CABIN1: variants seen among roughly 807,000 people sequenced by gnomAD.
The protein encoded by CABIN1 is calcineurin-binding protein cabin-1.
CABIN1 carries 133 observed loss-of-function variants against 227.7 expected under a neutral mutation model. That is an observed-to-expected ratio of 0.58 (90% CI 0.51 to 0.67). The LOEUF is 0.67. Among genes scored for constraint, CABIN1 ranks in the 30% least tolerant of loss-of-function variants. The pLI, the probability that CABIN1 is intolerant of heterozygous loss-of-function variation, is 0.00. For missense variants in CABIN1, 2,408 were observed against 2,852.5 expected (o/e 0.84, Z 3.55); for synonymous variants, 1,086 against 1,155.1 (o/e 0.94, Z 1.21).
chr22:24,036,148 TAA>T lies in CABIN1; in HGVS notation c.66_67del (p.His24GlnfsTer21). 1 of 1,613,666 alleles carries T rather than the reference TAA, an allele frequency of 6.2e-7. No homozygotes were observed. The highest frequency in any genetic ancestry group is 8.5e-7 in the Non-Finnish European group (1 of 1,179,728). ...TIEDDHEGSFKSHKTQTKEAQ... is the reference protein window; with the variant it reads ...TIEDDHEGSFXSHKTQTKEAQ... Reference sequence around the variant, plus strand: ...TTGAGGATGATCATGAAGGAAGCTTTAAAAGTCACAAAACCCAGACAAAGGAG... The same window carrying T: ...TTGAGGATGATCATGAAGGAAGCTTTAAGTCACAAAACCCAGACAAAGGAG... On this transcript the variant is annotated frameshift_variant, in exon 3 of 37. Coordinates refer to ENST00000263119, the MANE Select transcript of CABIN1 (RefSeq NM_012295.4). LOFTEE classifies it high-confidence loss of function.
chr22:24,033,087 AAAAC>A lies in CABIN1; in HGVS notation c.-74-2351_-74-2348del, dbSNP rs1165102810. 3.9e-5 allele frequency among the ~76,000 whole-genome samples: 6 copies of A among 152,310 alleles called. No homozygotes were observed. In the East Asian group the frequency reaches 9.6e-4, roughly 24 times the overall value. On this transcript the variant is annotated intron_variant, in intron 1 of 36. Transcript: ENST00000263119. ...GGAGAGACTCCGTCTCAAAGAAACA[AAAAC>A]AAACACAAAAACTGCAGTTTCCAAA...
intron 1 of CABIN1, among the ~76,000 whole-genome samples, chr22:24,027,559 G>A (rs528447484): frequency 3.5e-4 from 54 of 152,346 alleles, no homozygotes; most frequent in Middle Eastern, 3.4e-3. Flanking sequence ...TGTAATCCCC[G>A]ATGCAACAGT....
rs2042928571 is a variant in CABIN1, at chr22:24,113,690, T to G, written c.4242T>G (p.Ile1414Met). 6.2e-7 allele frequency: 1 copy of G among 1,613,780 alleles called. No individual in the cohort carries two copies. Among genetic ancestry groups the G allele is most frequent in the Non-Finnish European group, 8.5e-7 (1 of 1,179,974 alleles). Residue 1414 changes from isoleucine to methionine, a missense_variant, in exon 27 of 37, where the codon ATT (isoleucine) becomes ATG (methionine). Transcript: ENST00000263119. ...RKSYTEKRLPILSSQAGATGK... is the reference protein window; with the variant it reads ...RKSYTEKRLPMLSSQAGATGK... ...CCTACACAGAGAAGAGGCTGCCCATTCTCAGTTCCCAAGCAGGAGCGACGG... is the reference window on the plus strand; with the variant it reads ...CCTACACAGAGAAGAGGCTGCCCATGCTCAGTTCCCAAGCAGGAGCGACGG...
At chr22:24,130,832 AAC>A (rs1270652332) in intron 28 of CABIN1, among the ~76,000 whole-genome samples, 1 of 152,196 alleles carries the variant, frequency 6.6e-6, no homozygotes, top group Non-Finnish European at 1.5e-5. Flanking sequence ...CAGCTGGAGA[AAC>A]ACACTCTCCA....
At chr22:24,167,407 C>T in intron 32 of CABIN1, 94 bp downstream of exon 32, 4 of 1,275,378 alleles carry the variant, frequency 3.1e-6, no homozygotes, top group Non-Finnish European at 4.4e-6. Flanking sequence ...CAGGCCTGCC[C>T]TTGGGGCGGG....
intron 28 of CABIN1, 60 bp from the exon 29 acceptor site, chr22:24,134,242 C>G: frequency 7.6e-7 from 1 of 1,309,840 alleles, no homozygotes. Context: ...CGCCTGCCTT[C>G]CCTGTGGGCG....
chr22:24,147,326 T>TC (rs2148423345), intron 29 of CABIN1, among the ~76,000 whole-genome samples: 1 of 86,700 alleles, frequency 1.2e-5, no homozygotes, highest in Non-Finnish European at 2.3e-5. Flanking sequence ...CCTCCCTCCC[T>TC]CCTCTCCTCC....
chr22:24,176,289 G>A lies in CABIN1; in HGVS notation c.6205+14G>A. 1 of 1,589,988 alleles carries A rather than the reference G, an allele frequency of 6.3e-7. No homozygotes were observed. The highest frequency in any genetic ancestry group is 1.1e-5 in the South Asian group (1 of 88,210). On this transcript the variant is annotated intron_variant, in intron 35 of 36. Transcript: ENST00000263119. ...CCTGCAGCCAGGGTAAGGCGAGTTG[G>A]GAGCAGCCCAGCACCAGCCCCCAGG...
chr22:24,125,009 A>C (rs981277618), intron 28 of CABIN1, among the ~76,000 whole-genome samples: 4 of 152,214 alleles, frequency 2.6e-5, no homozygotes, highest in African/African-American at 9.7e-5. Context: ...AAAGGGGGGA[A>C]ATTCGGTCAC....
rs1362631927 is a variant in CABIN1 at position 24,110,224 on chromosome 22, A to AT, written c.4118-3335dup. 2.0e-5 allele frequency among the ~76,000 whole-genome samples: 3 copies of AT among 152,160 alleles called. No homozygotes were observed. In the East Asian group the frequency reaches 5.8e-4, roughly 29 times the overall value. On this transcript the variant is annotated intron_variant, in intron 26 of 36. Transcript: ENST00000263119. Reference sequence around the variant, plus strand: ...TCTACTATTGGTTTATTATAGTATCATTTTTTTAAAAAAATGTAGTTGTTG... The same window carrying AT: ...TCTACTATTGGTTTATTATAGTATCATTTTTTTTAAAAAAATGTAGTTGTTG...
intron 12 of CABIN1, 58 bp downstream of exon 12, chr22:24,060,199 GA>G: frequency 6.8e-7 from 1 of 1,480,366 alleles, no homozygotes; most frequent in East Asian, 2.3e-5. Context: ...TGGGGACAGG[GA>G]TCTTGCATGG....
At chr22:24,117,547 G>T (rs989238071) in intron 27 of CABIN1, among the ~76,000 whole-genome samples, 57 of 85,744 alleles carry the variant, frequency 6.6e-4, no homozygotes, top group African/African-American at 2.0e-3. Context: ...TGTTTTTTTG[G>T]GGGGGGGGTT....
At position 24,072,351 on chromosome 22, in the gene CABIN1, C is replaced by A; in HGVS notation, c.2476-3C>A. On this transcript the variant is annotated splice_region_variant and splice_polypyrimidine_tract_variant and intron_variant, in intron 17 of 36. Transcript: ENST00000263119. The stretch of plus-strand genomic sequence containing the variant: ...TCTGCTGTCTCCCACCCCGCACTGT[C>A]AGGTCATTGACTGCAGCATGGCTGT... The A allele has an allele frequency of 6.2e-7, 1 of 1,614,154 alleles. No individual in the cohort carries two copies. The highest frequency in any genetic ancestry group is 1.1e-5 in the South Asian group (1 of 91,084).
At position 24,177,481 on chromosome 22, in the gene CABIN1, C is replaced by T; in HGVS notation, c.6206-23C>T. The T allele has an allele frequency of 6.6e-7, 1 of 1,514,646 alleles. No individual in the cohort carries two copies. The highest frequency in any genetic ancestry group is 8.8e-7 in the Non-Finnish European group (1 of 1,132,354). 93.8% of individuals were successfully genotyped at this position (1,514,646 alleles called of 1,614,324 possible). A position where few individuals can be genotyped will look rare whatever the true frequency, so the allele number is the denominator to read the frequency against. On this transcript the variant is annotated intron_variant, in intron 35 of 36. Coordinates refer to ENST00000263119, the MANE Select transcript of CABIN1 (RefSeq NM_012295.4). The surrounding 1 kb of genome is among the most constrained non-coding windows in gnomAD (Gnocchi z 4.4). Reference sequence around the variant, plus strand: ...TGTGTGATGCGGCAGGCAGGAAGTGCTCTTGGTACCTTTGTCTTCCAGAGG... The same window carrying T: ...TGTGTGATGCGGCAGGCAGGAAGTGTTCTTGGTACCTTTGTCTTCCAGAGG...
intron 1 of CABIN1, among the ~76,000 whole-genome samples, chr22:24,023,257 A>T (rs565530338): frequency 1.3e-5 from 2 of 152,294 alleles, no homozygotes; most frequent in East Asian, 3.9e-4. Flanking sequence ...ATACTATTTC[A>T]TTGTATTTGT....
At chr22:24,066,870 A>G in intron 15 of CABIN1, 117 bp from the exon 16 acceptor site, 1 of 956,310 alleles carries the variant, frequency 1.0e-6, no homozygotes, top group Non-Finnish European at 1.6e-6. Flanking sequence ...TTGGGCTGGA[A>G]CATAGTCTAA....
At chr22:24,105,027 C>T (rs1271266077) in intron 26 of CABIN1, among the ~76,000 whole-genome samples, 2 of 152,336 alleles carry the variant, frequency 1.3e-5, no homozygotes. Flanking sequence ...TGGAAAGTTG[C>T]ATCTTGTAAC....
In CABIN1 at chr22:24,178,401, G is replaced by A; in HGVS notation, c.*205G>A. 1.6e-6 allele frequency: 1 copy of A among 625,954 alleles called. No individual in the cohort carries two copies. Among genetic ancestry groups the A allele is most frequent in the Non-Finnish European group, 2.8e-6 (1 of 363,632 alleles). 38.8% of individuals were successfully genotyped at this position (625,954 alleles called of 1,614,324 possible). On this transcript the variant is annotated 3_prime_UTR_variant, in exon 37 of 37. Coordinates refer to ENST00000263119, the MANE Select transcript of CABIN1 (RefSeq NM_012295.4). ...CCACATGGGAGCCCAGAGGAGGAGG[G>A]GCCCGCCTTAGCCATGTGAAGGTGG... is the stretch of plus-strand genomic sequence containing the variant.
At chr22:24,113,978 C>CA (rs2042944384) in intron 27 of CABIN1, among the ~76,000 whole-genome samples, 1 of 152,214 alleles carries the variant, frequency 6.6e-6, no homozygotes, top group Non-Finnish European at 1.5e-5. Flanking sequence ...CACATGTGCT[C>CA]AGGGATGCTG....
Sources: gnomAD v4.1 joint callset for allele counts (sites outside exome capture counted in the v4.1 genomes callset) on GRCh38, gnomAD v4.1.1 for gene constraint, Gnocchi (gnomAD v3.1) non-coding constraint, MANE v1.5 for transcripts, NCBI Gene and HGNC (gene_info 2026-07-23, HGNC 2026-07-21) for gene names.